PIAS1: variants seen among roughly 807,000 people sequenced by gnomAD.
PIAS1 encodes the protein protein inhibitor of activated STAT 1.
PIAS1 carries 6 observed loss-of-function variants against 71.3 expected under a neutral mutation model. That is an observed-to-expected ratio of 0.08 (90% CI 0.05 to 0.17). The LOEUF (loss-of-function observed/expected upper bound fraction) is 0.17, where lower values mean the gene tolerates loss of function less well. Among genes scored for constraint, PIAS1 ranks in the 10% least tolerant of loss-of-function variants. The pLI, the probability that PIAS1 is intolerant of heterozygous loss-of-function variation, is 1.00. For synonymous variants in PIAS1, 303 were observed against 292.9 expected, an observed-to-expected ratio of 1.03 and a Z score of -0.35; for missense variants, 555 against 793.6, an observed-to-expected ratio of 0.70 and a Z score of 3.61.
chr15:68,188,032 T>C lies in PIAS1; in HGVS notation c.*197T>C. The C allele has an allele frequency of 2.4e-6, 1 of 421,058 alleles. No individual in the cohort carries two copies. Among genetic ancestry groups the C allele is most frequent in the Non-Finnish European group, 4.2e-6 (1 of 237,984 alleles). 26.1% of individuals were successfully genotyped at this position (421,058 alleles called of 1,614,324 possible). ...TTTCAGTTTTACTTTTGTATATAAA[T>C]CTAAGACTGCCTGTGTGATAAAACA... is the stretch of plus-strand genomic sequence containing the variant. On this transcript the variant is annotated 3_prime_UTR_variant, in exon 14 of 14. Transcript: ENST00000249636.
chr15:68,082,095 A>G (rs916937323), intron 1 of PIAS1, among the ~76,000 whole-genome samples: 1 of 152,186 alleles, frequency 6.6e-6, no homozygotes, highest in African/African-American at 2.4e-5. Flanking sequence ...TTGACACAAC[A>G]TGATTTCCTG....
Position 68,079,465 on chromosome 15 carries a change from T to C in PIAS1, c.25-6841T>C, listed in dbSNP as rs146313949. On this transcript the variant is annotated intron_variant, in intron 1 of 13. Coordinates refer to ENST00000249636, the MANE Select transcript of PIAS1 (RefSeq NM_016166.3). Reference sequence around the variant, plus strand: ...AAATTAAACTAAGCCCTTTAAAATTTTTTTTCCTTTTTTCTTTTTGAGACA... The same window carrying C: ...AAATTAAACTAAGCCCTTTAAAATTCTTTTTCCTTTTTTCTTTTTGAGACA... Among the ~76,000 whole-genome samples the C allele has an allele frequency of 1.5e-3, 223 of 152,212 alleles. 1 individual carries two copies. Among genetic ancestry groups the C allele is most frequent in the African/African-American group, 5.1e-3 (212 of 41,532 alleles).
At chr15:68,143,984 A>G (rs933277249) in intron 4 of PIAS1, among the ~76,000 whole-genome samples, 3 of 152,164 alleles carry the variant, frequency 2.0e-5, no homozygotes, top group Non-Finnish European at 1.5e-5. Context: ...ATTAATATAC[A>G]TACATTCTTT....
chr15:68,099,474 G>C (rs1373928662), intron 2 of PIAS1, among the ~76,000 whole-genome samples: 1 of 151,682 alleles, frequency 6.6e-6, no homozygotes, highest in South Asian at 2.1e-4. Flanking sequence ...AATGATTCAT[G>C]GTATGGATAT....
chr15:68,139,722 A>G (rs1445854033), intron 2 of PIAS1, among the ~76,000 whole-genome samples: 8 of 152,194 alleles, frequency 5.3e-5, no homozygotes, highest in African/African-American at 1.9e-4. Context: ...TTTATAAATT[A>G]GATTTCAGGT....
intron 2 of PIAS1, among the ~76,000 whole-genome samples, chr15:68,135,672 A>AC (rs1313308654): frequency 7.5e-4 from 33 of 43,994 alleles, no homozygotes; most frequent in East Asian, 1.3e-3. Flanking sequence ...GCGGGGGCTG[A>AC]CCCCCACCTC....
At chr15:68,072,787 A>G (rs977969746) in intron 1 of PIAS1, among the ~76,000 whole-genome samples, 25 of 152,108 alleles carry the variant, frequency 1.6e-4, no homozygotes, top group African/African-American at 5.8e-4. Flanking sequence ...TTACTCTTCA[A>G]TTAGATTTAT....
chr15:68,074,527 C>T (rs761499415), intron 1 of PIAS1, among the ~76,000 whole-genome samples: 1 of 152,058 alleles, frequency 6.6e-6, no homozygotes, highest in African/African-American at 2.4e-5. Context: ...GAGAAGTACT[C>T]TGGAATTTGA....
intron 7 of PIAS1, among the ~76,000 whole-genome samples, chr15:68,162,359 C>T (rs944586618): frequency 6.6e-6 from 1 of 151,926 alleles, no homozygotes; most frequent in African/African-American, 2.4e-5. Flanking sequence ...GTTACTATGC[C>T]CATTGCTTGC....
At chr15:68,111,042 G>T (rs1009964298) in intron 2 of PIAS1, among the ~76,000 whole-genome samples, 1 of 152,118 alleles carries the variant, frequency 6.6e-6, no homozygotes, top group Non-Finnish European at 1.5e-5. Context: ...GTAAGCATCT[G>T]TTTTGTTTGC....
Position 68,065,915 on chromosome 15 carries a change from C to CTTTTTTTTTTTTTT in PIAS1, c.24+11580_24+11593dup, listed in dbSNP as rs869104577. ...GCCACCATGCTCAGCTGACTAAAAG[C>CTTTTTTTTTTTTTT]TTTTTTTTTTTTTTTTTTTTTTTTT... On this transcript the variant is annotated intron_variant, in intron 1 of 13. Coordinates refer to ENST00000249636, the MANE Select transcript of PIAS1 (RefSeq NM_016166.3). 6.2e-4 allele frequency among the ~76,000 whole-genome samples: 25 copies of CTTTTTTTTTTTTTT among 40,174 alleles called. 7 individuals carry two copies. Among genetic ancestry groups the CTTTTTTTTTTTTTT allele is most frequent in the African/African-American group, 2.9e-3 (22 of 7,532 alleles). 26.4% of individuals were successfully genotyped at this position (40,174 alleles called of 152,430 possible).
chr15:68,115,055 C>T (rs1295189813), intron 2 of PIAS1, among the ~76,000 whole-genome samples: 1 of 151,996 alleles, frequency 6.6e-6, no homozygotes, highest in Admixed American at 6.6e-5. Flanking sequence ...TTATGAACAC[C>T]ACTAGAACAT....
rs2093113374 is a variant in PIAS1, at chr15:68,190,328, T to C, written c.*2493T>C. 6.6e-6 allele frequency: 1 copy of C among 152,210 alleles called. No individual in the cohort carries two copies. Among genetic ancestry groups the C allele is most frequent in the Admixed American group, 6.5e-5 (1 of 15,274 alleles). 9.4% of individuals were successfully genotyped at this position (152,210 alleles called of 1,614,324 possible). A position where few individuals can be genotyped will look rare whatever the true frequency, so the allele number is the denominator to read the frequency against. On this transcript the variant is annotated 3_prime_UTR_variant, in exon 14 of 14. Transcript: ENST00000249636. This position sits in a 1 kb window ranked among gnomAD's most constrained non-coding sequence, Gnocchi z 4.7. ...AGTTTGTTTCCATCAGTTGTTGACT[T>C]TCCAAAATGTTGCATTAAGTAATAG...
intron 1 of PIAS1, among the ~76,000 whole-genome samples, chr15:68,071,760 G>A (rs1483580075): frequency 6.6e-6 from 1 of 150,726 alleles, no homozygotes; most frequent in African/African-American, 2.4e-5. Flanking sequence ...GAGCCCTGGA[G>A]TTTGAGACCA....
chr15:68,098,991 C>G (rs887441107), intron 2 of PIAS1, among the ~76,000 whole-genome samples: 5 of 152,036 alleles, frequency 3.3e-5, no homozygotes, highest in African/African-American at 1.2e-4. Context: ...CTTACAGGCT[C>G]TGTAAGAGAC....
At chr15:68,123,813 T>G (rs114607715) in intron 2 of PIAS1, among the ~76,000 whole-genome samples, 2,118 of 152,300 alleles carry the variant, frequency 0.014, 60 homozygotes, top group African/African-American at 0.049. Context: ...TCAGGGCATT[T>G]ATTGATAAAA....
chr15:68,065,915 C>CTTTTT (rs869104577), intron 1 of PIAS1, among the ~76,000 whole-genome samples: 404 of 40,172 alleles, frequency 0.01, 108 homozygotes, highest in African/African-American at 0.012. Context: ...TGACTAAAAG[C>CTTTTT]TTTTTTTTTT....
intron 2 of PIAS1, among the ~76,000 whole-genome samples, chr15:68,106,243 G>A (rs2092467519): frequency 6.7e-6 from 1 of 148,218 alleles, no homozygotes; most frequent in Admixed American, 7.0e-5. Flanking sequence ...AAAGAAATGA[G>A]AATATGTATA....
In PIAS1 at chr15:68,146,581, A is replaced by G; in HGVS notation, c.709A>G (p.Thr237Ala). The G allele has an allele frequency of 6.2e-7, 1 of 1,612,456 alleles. No homozygotes were observed. The highest frequency in any genetic ancestry group is 8.5e-7 in the Non-Finnish European group (1 of 1,178,732). ...PCSLPGYLPP[T>A]KNGVEPKRPS... The stretch of plus-strand genomic sequence containing the variant: ...TCATTTTTAGGGTTACCTTCCACCT[A>G]CAAAAAATGGCGTGGAACCAAAGCG... The change falls in exon 6 of 14, where the codon ACA becomes GCA. Residue 237 changes from threonine (T) to alanine (A), a missense_variant. This residue lies in a region of PIAS1 where 134 missense variants were observed against 203.4 expected (regional missense o/e 0.66). Coordinates refer to ENST00000249636, the MANE Select transcript of PIAS1 (RefSeq NM_016166.3).
Sources: allele counts gnomAD v4.1 joint callset (sites outside exome capture counted in the v4.1 genomes callset), GRCh38; gene constraint gnomAD v4.1.1; regional missense constraint gnomAD v4.1.1; non-coding constraint Gnocchi (gnomAD v3.1); transcripts MANE v1.5; gene names NCBI Gene and HGNC (gene_info 2026-07-23, HGNC 2026-07-21).